The following KMT2E variants were observed in gnomAD, a reference collection of about 807,000 sequenced individuals.
KMT2E encodes the protein lysine methyltransferase 2E (inactive).
KMT2E carries 30 observed loss-of-function variants against 184.6 expected under a neutral mutation model. The ratio of observed to expected loss-of-function variants is 0.16; its 90% CI spans 0.12 to 0.22. KMT2E has a LOEUF of 0.22. Ranked by LOEUF, KMT2E falls within the 10% of genes least tolerant of loss-of-function variation. The pLI is 1.00. For synonymous variants in KMT2E, 815 were observed against 776.5 expected (o/e 1.05, Z -0.82); for missense variants, 2,023 against 2,237.4 (o/e 0.90, Z 1.93).
In KMT2E at chr7:105,111,776, G is replaced by A. The variant is rs539877017; in HGVS notation, c.4069-49G>A. On this transcript the variant is annotated intron_variant, in intron 26 of 26. Coordinates refer to ENST00000311117, the MANE Select transcript of KMT2E (RefSeq NM_182931.3). ...AAATACCAACAAGAATAAACCTCAA[G>A]GTACACAAAATGTTCCTTGAATGTA... The A allele has an allele frequency of 5.8e-6, 9 of 1,545,964 alleles. No homozygotes were observed. The East Asian group carries it at 1.4e-4, about 23-fold the overall frequency.
Position 105,112,254 on chromosome 7 carries a change from T to C in KMT2E, c.4498T>C (p.Tyr1500His), listed in dbSNP as rs765247091. The change falls in exon 27 of 27, where the codon TAT becomes CAT. Residue 1500 changes from tyrosine to histidine, a missense_variant. By Grantham distance (83) the Tyr-to-His change is moderately conservative. This residue lies in a region of KMT2E where 1,108 missense variants were observed against 1,050.9 expected (regional missense o/e 1.05). Transcript: ENST00000311117. ...TCAGCGAGAGCCTCAAAGAAACTTT[T>C]ATCCAGCAGCACAGAACCTTCCAGC... ...TPQREPQRNF[Y>H]PAAQNLPANT... The C allele has an allele frequency of 1.9e-6, 3 of 1,614,144 alleles. No individual in the cohort carries two copies. Among genetic ancestry groups the C allele is most frequent in the South Asian group, 1.1e-5 (1 of 91,082 alleles).
chr7:105,106,090 T>C, intron 19 of KMT2E, 87 bp downstream of exon 19: 1 of 1,289,768 alleles, frequency 7.8e-7, no homozygotes, highest in Non-Finnish European at 1.1e-6. Context: ...TAGTTACTGG[T>C]ATGCACTTTA....
At chr7:105,060,536 C>A (rs1194631058) in intron 3 of KMT2E, among the ~76,000 whole-genome samples, 1 of 152,064 alleles carries the variant, frequency 6.6e-6, no homozygotes, top group Non-Finnish European at 1.5e-5. Context: ...AAACAGCTCT[C>A]CCACCTCAAC....
intron 13 of KMT2E, among the ~76,000 whole-genome samples, chr7:105,086,522 C>G (rs911659007): frequency 6.6e-6 from 1 of 151,820 alleles, no homozygotes; most frequent in Admixed American, 6.6e-5. Context: ...GTCAGGAGAT[C>G]GAGACCAGCC....
chr7:105,048,916 T>C (rs944427600), intron 3 of KMT2E, among the ~76,000 whole-genome samples: 1 of 152,230 alleles, frequency 6.6e-6, no homozygotes, highest in Non-Finnish European at 1.5e-5. Flanking sequence ...AGAGTACTAT[T>C]TTTTCTCTGA....
rs749591342 is a variant in KMT2E, at chr7:105,112,391, C to CCCTCCACCT, written c.4648_4656dup (p.Pro1550_Pro1552dup). On this transcript the variant is annotated inframe_insertion, in exon 27 of 27. Transcript: ENST00000311117. Reference sequence around the variant, plus strand: ...AAAGTCTGAACAGCACGGCACCACCCCCTCCACCTCCTCCACCTCCTTCTT... The same window carrying CCCTCCACCT: ...AAAGTCTGAACAGCACGGCACCACCCCCTCCACCTCCTCCACCTCCTCCACCTCCTTCTT... The CCCTCCACCT allele has an allele frequency of 1.3e-4, 217 of 1,612,906 alleles. No individual in the cohort carries two copies. Among genetic ancestry groups the CCCTCCACCT allele is most frequent in the Non-Finnish European group, 1.8e-4 (209 of 1,180,026 alleles).
At chr7:105,103,136 A>G (rs1176059103) in intron 17 of KMT2E, 9 of 152,196 alleles carry the variant, frequency 5.9e-5, no homozygotes, top group Non-Finnish European at 1.2e-4. Flanking sequence ...TGTAAAGTGA[A>G]AAGAAAAAAC....
At position 105,033,260 on chromosome 7, in the gene KMT2E, T is replaced by C. The variant is rs964118701; in HGVS notation, c.-188-4866T>C. Among the ~76,000 whole-genome samples the C allele has an allele frequency of 2.0e-5, 3 of 152,358 alleles. No individual in the cohort carries two copies. The East Asian group carries it at 5.8e-4, about 29-fold the overall frequency. On this transcript the variant is annotated intron_variant, in intron 1 of 26. Coordinates refer to ENST00000311117, the MANE Select transcript of KMT2E (RefSeq NM_182931.3). ...GTTAATATTTCATGTGTAGGCAAAT[T>C]GCTACCAATGCTTAAAAAGAGTTTG...
rs1212845461 is a variant in KMT2E at position 105,114,863 on chromosome 7, C to G, written c.*1530C>G. Among the ~76,000 whole-genome samples the G allele has an allele frequency of 1.3e-5, 2 of 152,116 alleles. No homozygotes were observed. The highest frequency in any genetic ancestry group is 2.9e-5 in the Non-Finnish European group (2 of 68,012). ...TCAAATTTTAGAAGAACATATAGGC[C>G]AAGTTTGCCATCCTCAATTTGTCCA... On this transcript the variant is annotated 3_prime_UTR_variant, in exon 27 of 27. Coordinates refer to ENST00000311117, the MANE Select transcript of KMT2E (RefSeq NM_182931.3).
intron 3 of KMT2E, among the ~76,000 whole-genome samples, chr7:105,049,300 A>G (rs1796231294): frequency 6.6e-6 from 1 of 152,072 alleles, no homozygotes; most frequent in Non-Finnish European, 1.5e-5. Flanking sequence ...TACCATAGTT[A>G]GCCAAGTGTG....
chr7:105,082,806 A>C lies in KMT2E; in HGVS notation c.1358+1009A>C, dbSNP rs561751766. On this transcript the variant is annotated intron_variant, in intron 13 of 26. Transcript: ENST00000311117. The stretch of plus-strand genomic sequence containing the variant: ...TTAGCTTCAGTGCCCATATCATAGA[A>C]GAGTCCATATCATAAAAAAGTAAAA... 9.2e-5 allele frequency among the ~76,000 whole-genome samples: 14 copies of C among 152,336 alleles called. No individual in the cohort carries two copies. In the South Asian group the frequency reaches 2.9e-3, roughly 32 times the overall value.
chr7:105,051,075 C>CT (rs1290457250), intron 3 of KMT2E, among the ~76,000 whole-genome samples: 2 of 147,948 alleles, frequency 1.4e-5, no homozygotes, highest in South Asian at 2.1e-4. Flanking sequence ...TTCTTTCTTT[C>CT]TTCTTCTTTC....
intron 11 of KMT2E, among the ~76,000 whole-genome samples, chr7:105,078,252 C>G (rs563866743): frequency 6.6e-6 from 1 of 152,272 alleles, no homozygotes; most frequent in South Asian, 2.1e-4. Context: ...TAGTCACTCT[C>G]TTTTTATCTT....
chr7:105,071,844 C>A (rs978664521), intron 6 of KMT2E, among the ~76,000 whole-genome samples: 2 of 151,172 alleles, frequency 1.3e-5, no homozygotes, highest in African/African-American at 4.9e-5. Flanking sequence ...TGCATTTTTG[C>A]CAGTTTAATT....
Position 105,106,742 on chromosome 7 carries a change from T to C in KMT2E, c.2817T>C (p.Pro939=). ...ATTCACCAGTTACCCCAGTAACTCC[T>C]GGTACACCAGGAAATACCATGCACT... ...PIYSPVTPVT[P]GTPGNTMHFE... The change falls in exon 20 of 27, where the codon CCT becomes CCC. Residue 939 remains proline (P), a synonymous_variant. Coordinates refer to ENST00000311117, the MANE Select transcript of KMT2E (RefSeq NM_182931.3). 6.2e-7 allele frequency: 1 copy of C among 1,614,026 alleles called. No homozygotes were observed. Among genetic ancestry groups the C allele is most frequent in the Non-Finnish European group, 8.5e-7 (1 of 1,179,930 alleles).
At chr7:105,034,311 T>TA in intron 1 of KMT2E, among the ~76,000 whole-genome samples, 1 of 152,262 alleles carries the variant, frequency 6.6e-6, no homozygotes, top group East Asian at 1.9e-4. Context: ...CAGCTTGCTG[T>TA]AATCTCAAAC....
chr7:105,059,804 ATGTT>A (rs1471658657), intron 3 of KMT2E, among the ~76,000 whole-genome samples: 11 of 152,002 alleles, frequency 7.2e-5, no homozygotes, highest in Middle Eastern at 3.2e-3. Flanking sequence ...TAACATGAGA[ATGTT>A]TGGGAGTTGG....
intron 3 of KMT2E, among the ~76,000 whole-genome samples, chr7:105,050,222 C>T (rs992381317): frequency 1.3e-5 from 2 of 152,170 alleles, no homozygotes; most frequent in African/African-American, 4.8e-5. Flanking sequence ...TGGTAGTCTT[C>T]TATAATTTAT....
At chr7:105,102,351 A>G (rs1798690751) in intron 17 of KMT2E, 157 bp downstream of exon 17, 1 of 553,016 alleles carries the variant, frequency 1.8e-6, no homozygotes, top group Non-Finnish European at 3.0e-6. Flanking sequence ...CCAAAACTGT[A>G]AAATTAATAT....
Sources: allele counts gnomAD v4.1 joint callset (sites outside exome capture counted in the v4.1 genomes callset), GRCh38; gene constraint gnomAD v4.1.1; regional missense constraint gnomAD v4.1.1; transcripts MANE v1.5; gene names NCBI Gene and HGNC (gene_info 2026-07-23, HGNC 2026-07-21).